The following CADM2 variants were observed in gnomAD, a reference collection of about 807,000 sequenced individuals.
The protein encoded by CADM2 is immunoglobulin superfamily member 4D.
A neutral mutation model predicts 49.8 loss-of-function variants in CADM2; 12 were observed. That is an observed-to-expected ratio of 0.24 (90% CI 0.15 to 0.39). The LOEUF is 0.39. Ranked by LOEUF, CADM2 falls within the 10% of genes least tolerant of loss-of-function variation. CADM2 has a pLI of 1.00. For synonymous variants in CADM2, 214 were observed against 175.4 expected, an observed-to-expected ratio of 1.22 and a Z score of -1.74; for missense variants, 378 against 492.3, an observed-to-expected ratio of 0.77 and a Z score of 2.20.
At chr3:85,460,733 GGT>G (rs57401290) in intron 1 of CADM2, among the ~76,000 whole-genome samples, 10 of 149,118 alleles carry the variant, frequency 6.7e-5, no homozygotes, top group Admixed American at 1.3e-4. Context: ...TGGGAGATGT[GGT>G]GTGTGTGTGT....
At chr3:85,955,105 A>G (rs1723892326) in intron 7 of CADM2, among the ~76,000 whole-genome samples, 2 of 151,414 alleles carry the variant, frequency 1.3e-5, no homozygotes, top group African/African-American at 4.8e-5. Context: ...TCTTAAAGGA[A>G]GTATAAGATA....
intron 1 of CADM2, among the ~76,000 whole-genome samples, chr3:85,366,129 T>A (rs1369541717): frequency 1.3e-5 from 2 of 152,234 alleles, no homozygotes; most frequent in Non-Finnish European, 2.9e-5. Flanking sequence ...AATGTGCAGA[T>A]GTATCATGAA....
chr3:86,007,331 G>A (rs1188794822), intron 8 of CADM2, among the ~76,000 whole-genome samples: 1 of 152,064 alleles, frequency 6.6e-6, no homozygotes, highest in African/African-American at 2.4e-5. Context: ...AAAAACAGCA[G>A]CCAGTGAAGA....
chr3:85,129,038 G>T (rs192473277), intron 1 of CADM2, among the ~76,000 whole-genome samples: 4 of 152,110 alleles, frequency 2.6e-5, no homozygotes, highest in Admixed American at 2.6e-4. Context: ...TGGGGTGTGT[G>T]TTCATTTTTT....
intron 8 of CADM2, among the ~76,000 whole-genome samples, chr3:86,044,517 T>C (rs912742455): frequency 1.3e-5 from 2 of 152,072 alleles, no homozygotes; most frequent in African/African-American, 4.8e-5. Context: ...TGAGATACCA[T>C]CTCACACCAG....
intron 1 of CADM2, among the ~76,000 whole-genome samples, chr3:85,593,883 A>G (rs2063175434): frequency 6.6e-6 from 1 of 151,996 alleles, no homozygotes; most frequent in Non-Finnish European, 1.5e-5. Flanking sequence ...AGATGGAGGC[A>G]CAACTGCAGA....
chr3:85,801,957 T>G (rs563233143), intron 2 of CADM2, 90 bp from the exon 3 acceptor site: 1 of 1,046,658 alleles, frequency 9.6e-7, no homozygotes, highest in African/African-American at 1.6e-5. Flanking sequence ...AATTTTATTT[T>G]GCATGAGAAG....
In CADM2 at chr3:85,363,906, C is replaced by G. The variant is rs150520451; in HGVS notation, c.62-362616C>G. 6.7e-3 allele frequency among the ~76,000 whole-genome samples: 1,019 copies of G among 152,270 alleles called. 10 individuals carry two copies. The highest frequency in any genetic ancestry group is 0.023 in the African/African-American group (964 of 41,550). ...GATTACAGGCGTGAGCCACCGCGCCCGGCCTTGATTTGACATCTTTATGTA... is the reference window on the plus strand; with the variant it reads ...GATTACAGGCGTGAGCCACCGCGCCGGGCCTTGATTTGACATCTTTATGTA... On this transcript the variant is annotated intron_variant, in intron 1 of 9. Coordinates refer to ENST00000383699, the MANE Select transcript of CADM2 (RefSeq NM_001167675.2).
At chr3:85,438,026 G>A (rs2037012766) in intron 1 of CADM2, among the ~76,000 whole-genome samples, 1 of 151,790 alleles carries the variant, frequency 6.6e-6, no homozygotes, top group Non-Finnish European at 1.5e-5. Flanking sequence ...TTAAAATTAT[G>A]GTTAATGCTT....
intron 1 of CADM2, among the ~76,000 whole-genome samples, chr3:85,595,632 T>C (rs964185258): frequency 6.6e-6 from 1 of 152,020 alleles, no homozygotes; most frequent in Non-Finnish European, 1.5e-5. Context: ...ATATCCTAGA[T>C]TATAATTGTC....
At chr3:85,811,712 C>T (rs114003894) in intron 3 of CADM2, among the ~76,000 whole-genome samples, 39 of 152,186 alleles carry the variant, frequency 2.6e-4, no homozygotes, top group Middle Eastern at 6.8e-3. Flanking sequence ...TCATTTTAGA[C>T]GGTTGTGGCA....
chr3:85,052,250 A>T (rs932305986), intron 1 of CADM2, among the ~76,000 whole-genome samples: 8 of 152,158 alleles, frequency 5.3e-5, no homozygotes, highest in Non-Finnish European at 7.4e-5. Flanking sequence ...AGTGAAGCTA[A>T]GGTTATAGAT....
intron 1 of CADM2, among the ~76,000 whole-genome samples, chr3:85,237,718 G>A (rs1332563990): frequency 6.6e-6 from 1 of 151,522 alleles, no homozygotes; most frequent in Non-Finnish European, 1.5e-5. Context: ...AAAATATAAA[G>A]TTGTCTTCAA....
At chr3:86,001,607 C>T (rs925605804) in intron 8 of CADM2, among the ~76,000 whole-genome samples, 4 of 151,878 alleles carry the variant, frequency 2.6e-5, no homozygotes, top group African/African-American at 9.7e-5. Context: ...GCTGGCCAAA[C>T]ACAGATTAAT....
At chr3:85,613,803 A>G (rs1426384225) in intron 1 of CADM2, among the ~76,000 whole-genome samples, 1 of 151,678 alleles carries the variant, frequency 6.6e-6, no homozygotes, top group Non-Finnish European at 1.5e-5. Flanking sequence ...GAAAATTAGT[A>G]ACATAGTATT....
intron 1 of CADM2, among the ~76,000 whole-genome samples, chr3:85,489,672 A>T (rs2039579580): frequency 6.8e-6 from 1 of 147,822 alleles, no homozygotes; most frequent in East Asian, 1.9e-4. Flanking sequence ...AAAAAAAATC[A>T]AACAAAACGA....
chr3:86,023,216 G>A (rs941160967), intron 8 of CADM2, among the ~76,000 whole-genome samples: 2 of 151,974 alleles, frequency 1.3e-5, no homozygotes, highest in African/African-American at 2.4e-5. Context: ...ATTCCAATAC[G>A]TATAAACAAA....
intron 1 of CADM2, among the ~76,000 whole-genome samples, chr3:85,218,669 G>T (rs992320465): frequency 6.6e-5 from 10 of 152,076 alleles, no homozygotes; most frequent in Non-Finnish European, 2.9e-5. Flanking sequence ...GGTGGCAGGT[G>T]CCTGTAGTCC....
At chr3:85,366,919 T>C (rs1483073071) in intron 1 of CADM2, among the ~76,000 whole-genome samples, 1 of 152,048 alleles carries the variant, frequency 6.6e-6, no homozygotes, top group Non-Finnish European at 1.5e-5. Context: ...TGCTCTTATT[T>C]GAAATGAACA....
Sources: gnomAD v4.1 joint callset for allele counts (sites outside exome capture counted in the v4.1 genomes callset) on GRCh38, gnomAD v4.1.1 for gene constraint, MANE v1.5 for transcripts, NCBI Gene and HGNC (gene_info 2026-07-23, HGNC 2026-07-21) for gene names.